LYAR: variants seen among roughly 807,000 people sequenced by gnomAD.
LYAR encodes the protein cell growth-regulating nucleolar protein.
LYAR carries 37 observed loss-of-function variants against 45.2 expected under a neutral mutation model. The ratio of observed to expected loss-of-function variants is 0.82; its 90% confidence interval spans 0.63 to 1.08. LYAR has a LOEUF of 1.08. Among genes scored for constraint, LYAR ranks in the 50% least tolerant of loss-of-function variants. The probability of loss-of-function intolerance (pLI) is 0.00; values close to 1 mark genes in which losing one functional copy is unlikely to be tolerated. For missense variants in LYAR, 493 were observed against 451.0 expected (o/e 1.09, Z -0.84); for synonymous variants, 176 against 155.1 (o/e 1.14, Z -1.00).
In LYAR at chr4:4,279,686, T is replaced by C; in HGVS notation, c.301A>G (p.Ile101Val). Residue 101 changes from isoleucine to valine, a missense_variant, in exon 5 of 10, where the codon ATT (isoleucine) becomes GTT (valine). Coordinates refer to ENST00000343470, the MANE Select transcript of LYAR (RefSeq NM_017816.3). The part of the protein sequence containing the change: ...SPKVRELLEQ[I>V]SAFDNVPRKK... ...CTGGGAACGTTGTCAAAAGCACTAATTTGCTCTAAAAGTTCTCTCACTTTG... is the reference window on the plus strand; with the variant it reads ...CTGGGAACGTTGTCAAAAGCACTAACTTGCTCTAAAAGTTCTCTCACTTTG... The C allele has an allele frequency of 1.2e-6, 2 of 1,614,130 alleles. No homozygotes were observed. Among genetic ancestry groups the C allele is most frequent in the Non-Finnish European group, 1.7e-6 (2 of 1,180,002 alleles).
At position 4,267,978 on chromosome 4, in the gene LYAR, C is replaced by T. The variant is rs753033913; in HGVS notation, c.1051G>A (p.Glu351Lys). ...YTVTDEHHRS[E>K]EELLVIFNKK... is the part of the protein sequence containing the mutation. ...TTAAAGATGACCAGGAGTTCCTCTTCGGATCTGTGATGCTCATCTGTCACT... is the reference window on the plus strand; with the variant it reads ...TTAAAGATGACCAGGAGTTCCTCTTTGGATCTGTGATGCTCATCTGTCACT... The change falls in exon 10 of 10, where the codon GAA becomes AAA. Residue 351 changes from glutamate (E) to lysine (K), a missense_variant. Glu to Lys is a moderately conservative substitution (Grantham distance 56). Transcript: ENST00000343470. 9 of 1,612,410 alleles carry T rather than the reference C, an allele frequency of 5.6e-6. No homozygotes were observed. Among genetic ancestry groups the T allele is most frequent in the East Asian group, 4.5e-5 (2 of 44,858 alleles).
intron 6 of LYAR, among the ~76,000 whole-genome samples, chr4:4,276,543 CAA>C (rs55900346): frequency 1.1e-3 from 145 of 131,370 alleles, no homozygotes; most frequent in Admixed American, 1.2e-3. Flanking sequence ...AACTCTGTCT[CAA>C]AAAAAAAAAA....
At chr4:4,268,164 A>G in intron 9 of LYAR, 141 bp from the exon 10 acceptor site, 1 of 728,258 alleles carries the variant, frequency 1.4e-6, no homozygotes, top group East Asian at 3.1e-5. Context: ...TCTCCTTGGA[A>G]AACCCAGGCG....
chr4:4,278,910 A>C (rs1405531973), intron 6 of LYAR, among the ~76,000 whole-genome samples: 3 of 152,206 alleles, frequency 2.0e-5, no homozygotes, highest in Non-Finnish European at 4.4e-5. Flanking sequence ...ATCATTACAT[A>C]CTGGGCTGGC....
At chr4:4,275,100 G>C (rs115723196) in intron 6 of LYAR, among the ~76,000 whole-genome samples, 1 of 152,154 alleles carries the variant, frequency 6.6e-6, no homozygotes, top group South Asian at 2.1e-4. Context: ...GAGTACTTAG[G>C]GGTGGTAGAA....
At chr4:4,284,776 T>C (rs3775339) in intron 2 of LYAR, among the ~76,000 whole-genome samples, 39,654 of 152,086 alleles carry the variant, frequency 0.26, 6,182 homozygotes, top group East Asian at 0.55. Context: ...ACATTATAAG[T>C]TTTACAGCAA....
chr4:4,275,012 G>A (rs992985512), intron 6 of LYAR, among the ~76,000 whole-genome samples: 10 of 152,152 alleles, frequency 6.6e-5, no homozygotes, highest in Non-Finnish European at 1.3e-4. Context: ...TCATTCCACT[G>A]GAAAAGTGAA....
rs201326764 is a variant in LYAR, at chr4:4,274,382, G to A, written c.817C>T (p.Arg273Trp). ...AGCCACTTACCTTCCGAGTGCCTCC[G>A]CTTCCTCTTCCCTGCGCCCACGCGT... ...EARVGAGKRK[R>W]RHSEVETDSK... Residue 273 changes from arginine to tryptophan, a missense_variant, in exon 7 of 10, where the codon CGG (arginine) becomes TGG (tryptophan). By Grantham distance (101) the Arg-to-Trp change is moderately radical. Transcript: ENST00000343470. 1.3e-5 allele frequency: 21 copies of A among 1,610,126 alleles called. No individual in the cohort carries two copies. The highest frequency in any genetic ancestry group is 1.6e-4 in the Middle Eastern group (1 of 6,066).
intron 1 of LYAR, chr4:4,289,745 T>A (rs1158849522): frequency 1.3e-5 from 2 of 152,264 alleles, no homozygotes; most frequent in African/African-American, 4.8e-5. Context: ...AAGAGCCCTG[T>A]CTCCAACATG....
At chr4:4,275,033 G>A (rs1468781829) in intron 6 of LYAR, among the ~76,000 whole-genome samples, 1 of 152,180 alleles carries the variant, frequency 6.6e-6, no homozygotes, top group Non-Finnish European at 1.5e-5. Flanking sequence ...GAATCCTTAT[G>A]TCGCTGAAGA....
intron 1 of LYAR, among the ~76,000 whole-genome samples, chr4:4,287,400 C>T (rs992352825): frequency 1.3e-5 from 2 of 152,190 alleles, no homozygotes; most frequent in African/African-American, 4.8e-5. Context: ...AGGTCCTCTG[C>T]GTGTGCTCCT....
chr4:4,279,497 C>T lies in LYAR; in HGVS notation c.379G>A (p.Glu127Lys). 9 of 1,612,838 alleles carry T rather than the reference C, an allele frequency of 5.6e-6. No homozygotes were observed. The South Asian group carries it at 9.9e-5, about 18-fold the overall frequency. Residue 127 changes from glutamate to lysine, a missense_variant, in exon 6 of 10, where the codon GAA (glutamate) becomes AAA (lysine). Coordinates refer to ENST00000343470, the MANE Select transcript of LYAR (RefSeq NM_017816.3). ...WMKNSLKVHNESILDQVWNIF... is the reference protein window; with the variant it reads ...WMKNSLKVHNKSILDQVWNIF... ...TTCCACACCTGGTCCAGAATGGATT[C>T]ATTATGAACTTTTAAACTGTTCTTC...
chr4:4,268,705 C>T, intron 8 of LYAR, 90 bp from the exon 9 acceptor site: 2 of 787,142 alleles, frequency 2.5e-6, no homozygotes, highest in East Asian at 2.7e-5. Flanking sequence ...CTATTTGCTT[C>T]CCAGGAAATG....
intron 1 of LYAR, among the ~76,000 whole-genome samples, chr4:4,288,372 C>G (rs1472968256): frequency 1.3e-5 from 2 of 152,178 alleles, no homozygotes; most frequent in Non-Finnish European, 2.9e-5. Context: ...CCCATGGCTG[C>G]CTACTTTACC....
chr4:4,277,056 T>A (rs1037894664), intron 6 of LYAR, among the ~76,000 whole-genome samples: 1 of 152,156 alleles, frequency 6.6e-6, no homozygotes, highest in African/African-American at 2.4e-5. Context: ...ATTATCATTA[T>A]GATTTTTTGA....
intron 6 of LYAR, among the ~76,000 whole-genome samples, chr4:4,275,978 G>T (rs1719164137): frequency 6.6e-6 from 1 of 152,238 alleles, no homozygotes; most frequent in African/African-American, 2.4e-5. Context: ...TTACAGGTGT[G>T]TGCCACAGCG....
intron 6 of LYAR, among the ~76,000 whole-genome samples, chr4:4,277,862 G>A (rs1302695698): frequency 1.3e-5 from 2 of 152,182 alleles, no homozygotes; most frequent in Non-Finnish European, 2.9e-5. Flanking sequence ...AAGGTACGGA[G>A]GACAAGGCCT....
At chr4:4,282,669 T>A (rs180852642) in intron 3 of LYAR, among the ~76,000 whole-genome samples, 3 of 152,284 alleles carry the variant, frequency 2.0e-5, no homozygotes, top group Admixed American at 2.0e-4. Context: ...GGAATCAACA[T>A]GAAATTCAAG....
intron 7 of LYAR, among the ~76,000 whole-genome samples, chr4:4,273,991 C>T (rs139301585): frequency 6.6e-6 from 1 of 152,316 alleles, no homozygotes; most frequent in East Asian, 1.9e-4. Context: ...AACCCCAGCA[C>T]TTTGGGAGGC....
Sources: gnomAD v4.1 joint callset for allele counts (sites outside exome capture counted in the v4.1 genomes callset) on GRCh38, gnomAD v4.1.1 for gene constraint, MANE v1.5 for transcripts, NCBI Gene and HGNC (gene_info 2026-07-23, HGNC 2026-07-21) for gene names.